The following NFIX variants were observed in gnomAD, a reference collection of about 807,000 sequenced individuals.
NFIX encodes the protein nuclear factor I X.
Under a neutral mutation model 53.3 loss-of-function variants are expected in NFIX, and 2 were observed. That is an observed-to-expected ratio of 0.04 (90% CI 0.02 to 0.12). The LOEUF is 0.12. Ranked by LOEUF, NFIX falls within the 10% of genes least tolerant of loss-of-function variation. NFIX has a pLI of 1.00. For synonymous variants in NFIX, 244 were observed against 289.0 expected, an observed-to-expected ratio of 0.84 and a Z score of 1.58; for missense variants, 310 against 674.5, an observed-to-expected ratio of 0.46 and a Z score of 5.99.
intron 2 of NFIX, chr19:13,070,994 A>C (rs1302644651): frequency 1.3e-5 from 2 of 152,286 alleles, no homozygotes; most frequent in Non-Finnish European, 2.9e-5. Context: ...GGTCTTTCGC[A>C]GTGGGTAGGG....
Position 13,081,663 on chromosome 19 carries a change from T to C in NFIX, c.1079-17T>C. On this transcript the variant is annotated splice_polypyrimidine_tract_variant and intron_variant, in intron 7 of 10. Coordinates refer to ENST00000592199, the MANE Select transcript of NFIX (RefSeq NM_001365902.3). This position sits in a 1 kb window ranked among gnomAD's most constrained non-coding sequence, Gnocchi z 4.7. ...CTTGGCCCTGACGCCCTTTTTTCCC[T>C]GCCCACGTGCATGCAGGGAGCCCCC... 1 of 1,609,374 alleles carries C rather than the reference T, an allele frequency of 6.2e-7. No homozygotes were observed. Among genetic ancestry groups the C allele is most frequent in the South Asian group, 1.1e-5 (1 of 90,936 alleles).
In NFIX at chr19:13,060,843, G is replaced by A. The variant is rs538601651; in HGVS notation, c.560-12204G>A. ...CACGCCCGCCCGGGAGGGTGTGCCCGCCCGGCTGCTGCCGCCACTGCAGAG... is the reference window on the plus strand; with the variant it reads ...CACGCCCGCCCGGGAGGGTGTGCCCACCCGGCTGCTGCCGCCACTGCAGAG... On this transcript the variant is annotated intron_variant, in intron 2 of 10. Transcript: ENST00000592199. This position sits in a 1 kb window ranked among gnomAD's most constrained non-coding sequence, Gnocchi z 4.3. Among the ~76,000 whole-genome samples the A allele has an allele frequency of 6.6e-6, 1 of 152,216 alleles. No individual in the cohort carries two copies. Among genetic ancestry groups the A allele is most frequent in the Non-Finnish European group, 1.5e-5 (1 of 67,988 alleles).
intron 2 of NFIX, among the ~76,000 whole-genome samples, chr19:13,042,729 C>T (rs2014722780): frequency 6.7e-6 from 1 of 150,324 alleles, no homozygotes; most frequent in Non-Finnish European, 1.5e-5. Context: ...AACCCCACCC[C>T]CACCCCCACT....
chr19:13,042,355 CTTTT>C (rs35785662), intron 2 of NFIX, among the ~76,000 whole-genome samples: 3 of 100,584 alleles, frequency 3.0e-5, no homozygotes, highest in South Asian at 3.5e-4. Context: ...CTTTTACATG[CTTTT>C]TTTTTTTTTT....
In NFIX at chr19:13,028,839, T is replaced by C. The variant is rs1003795097; in HGVS notation, c.559+3287T>C. On this transcript the variant is annotated intron_variant, in intron 2 of 10. Coordinates refer to ENST00000592199, the MANE Select transcript of NFIX (RefSeq NM_001365902.3). The surrounding 1 kb of genome is among the most constrained non-coding windows in gnomAD (Gnocchi z 4.2). The stretch of plus-strand genomic sequence containing the variant: ...GTGAGAAAGGATGGCCGAGCTGGCC[T>C]AGAACCGCTGCTAGACTATCTCCAA... 6.6e-6 allele frequency among the ~76,000 whole-genome samples: 1 copy of C among 152,082 alleles called. No individual in the cohort carries two copies. The highest frequency in any genetic ancestry group is 1.9e-4 in the East Asian group (1 of 5,188).
chr19:13,079,967 C>T (rs973686828), intron 7 of NFIX, among the ~76,000 whole-genome samples: 5 of 152,186 alleles, frequency 3.3e-5, no homozygotes, highest in African/African-American at 9.7e-5. Flanking sequence ...CACACCAGCT[C>T]GCACTCAGGA....
intron 1 of NFIX, among the ~76,000 whole-genome samples, chr19:13,003,074 G>T (rs761214543): frequency 6.6e-6 from 1 of 151,996 alleles, no homozygotes; most frequent in African/African-American, 2.4e-5. Flanking sequence ...TCCAAATATC[G>T]GCTTCGGTCG....
intron 2 of NFIX, among the ~76,000 whole-genome samples, chr19:13,062,322 A>G (rs1019478404): frequency 6.6e-6 from 1 of 152,192 alleles, no homozygotes; most frequent in African/African-American, 2.4e-5. Context: ...CAAGAAAGCT[A>G]TTCTTTCTTC....
rs776571781 is a variant in NFIX, at chr19:13,073,588, A to G, written c.697+92A>G. 1.4e-5 allele frequency: 16 copies of G among 1,167,202 alleles called. No homozygotes were observed. Among genetic ancestry groups the G allele is most frequent in the Non-Finnish European group, 1.9e-5 (15 of 777,674 alleles). The allele number at this position is 1,167,202 out of a possible 1,614,324, so 72.3% of individuals were successfully genotyped here. The stretch of plus-strand genomic sequence containing the variant: ...TGTCCTCCTAATGGGGTCTTAGGGC[A>G]GGTGGATGGGAACAGATGCTTTCTG... On this transcript the variant is annotated intron_variant, in intron 4 of 10. Transcript: ENST00000592199. This position sits in a 1 kb window ranked among gnomAD's most constrained non-coding sequence, Gnocchi z 4.5.
chr19:13,067,462 G>A lies in NFIX; in HGVS notation c.560-5585G>A, dbSNP rs982877792. Among the ~76,000 whole-genome samples, 27 of 130,380 alleles carry A rather than the reference G, an allele frequency of 2.1e-4. No homozygotes were observed. The highest frequency in any genetic ancestry group is 3.1e-4 in the Admixed American group (4 of 12,792). 85.5% of individuals were successfully genotyped at this position (130,380 alleles called of 152,430 possible). A position where few individuals can be genotyped will look rare whatever the true frequency, so the allele number is the denominator to read the frequency against. On this transcript the variant is annotated intron_variant, in intron 2 of 10. Transcript: ENST00000592199. The surrounding 1 kb of genome is among the most constrained non-coding windows in gnomAD (Gnocchi z 4.2). ...TAGTGGCACCTCCGTGTGTGTGCGC[G>A]CGTGTGTGTGTGTGTGTGTGCGTGT... is the stretch of plus-strand genomic sequence containing the variant.
At chr19:13,085,349 G>T (rs2017713755) in intron 8 of NFIX, among the ~76,000 whole-genome samples, 1 of 152,204 alleles carries the variant, frequency 6.6e-6, no homozygotes, top group Non-Finnish European at 1.5e-5. Flanking sequence ...GGGGAGACAG[G>T]CTCTGAAGCT....
Position 13,068,936 on chromosome 19 carries a change from TC to T in NFIX, c.560-4107del, listed in dbSNP as rs2016597946. Among the ~76,000 whole-genome samples, 1 of 152,114 alleles carries T rather than the reference TC, an allele frequency of 6.6e-6. No homozygotes were observed. Among genetic ancestry groups the T allele is most frequent in the African/African-American group, 2.4e-5 (1 of 41,396 alleles). On this transcript the variant is annotated intron_variant, in intron 2 of 10. Coordinates refer to ENST00000592199, the MANE Select transcript of NFIX (RefSeq NM_001365902.3). The surrounding 1 kb of genome is among the most constrained non-coding windows in gnomAD (Gnocchi z 4.2). Reference sequence around the variant, plus strand: ...GCTGTGGGCTCTGAGATACTCTCCCTCCCCTAGCCTGGCCCAGAAACCAGGG... The same window carrying T: ...GCTGTGGGCTCTGAGATACTCTCCCTCCCTAGCCTGGCCCAGAAACCAGGG...
rs1599813106 is a variant in NFIX at position 13,060,690 on chromosome 19, C to T, written c.560-12357C>T. ...GTTTTGCTCTGGGGCCTGAGGATTG[C>T]GGGGCCAGGGAAGCAACCAGGCCCA... On this transcript the variant is annotated intron_variant, in intron 2 of 10. Coordinates refer to ENST00000592199, the MANE Select transcript of NFIX (RefSeq NM_001365902.3). The surrounding 1 kb of genome is among the most constrained non-coding windows in gnomAD (Gnocchi z 4.3). Among the ~76,000 whole-genome samples the T allele has an allele frequency of 6.6e-6, 1 of 152,166 alleles. No individual in the cohort carries two copies. Among genetic ancestry groups the T allele is most frequent in the African/African-American group, 2.4e-5 (1 of 41,506 alleles).
chr19:13,091,993 G>A (rs2018171716), intron 10 of NFIX, among the ~76,000 whole-genome samples: 1 of 152,262 alleles, frequency 6.6e-6, no homozygotes, highest in Non-Finnish European at 1.5e-5. Context: ...GTAGGAGGAA[G>A]GAGTCCCAGC....
At chr19:13,075,009 G>A (rs2016996701) in intron 5 of NFIX, among the ~76,000 whole-genome samples, 2 of 141,584 alleles carry the variant, frequency 1.4e-5, no homozygotes, top group South Asian at 4.6e-4. Context: ...GGCGGAGCTT[G>A]CAGTGAGCTG....
rs116857070 is a variant in NFIX at position 12,997,722 on chromosome 19, G to A, written c.27+1858G>A. On this transcript the variant is annotated intron_variant, in intron 1 of 10. Coordinates refer to ENST00000592199, the MANE Select transcript of NFIX (RefSeq NM_001365902.3). ...CCAAGCACGCCAGACATCTGAGCCT[G>A]CTCCCCCATGGCTTGGGTGAGACAC... Among the ~76,000 whole-genome samples the A allele has an allele frequency of 7.2e-3, 1,097 of 152,370 alleles. 12 individuals carry two copies. The highest frequency in any genetic ancestry group is 0.018 in the South Asian group (85 of 4,834).
Position 13,012,191 on chromosome 19 carries a change from T to A in NFIX, c.28-12830T>A, listed in dbSNP as rs2012391261. 6.6e-6 allele frequency: 1 copy of A among 152,192 alleles called. No homozygotes were observed. Among genetic ancestry groups the A allele is most frequent in the Admixed American group, 6.5e-5 (1 of 15,282 alleles). 9.4% of individuals were successfully genotyped at this position (152,192 alleles called of 1,614,324 possible). A position where few individuals can be genotyped will look rare whatever the true frequency, so the allele number is the denominator to read the frequency against. ...GATGTCAGACGCGACCTGTGTGGCA[T>A]GTACCAGGCTGGCTCCGACGACGGA... On this transcript the variant is annotated intron_variant, in intron 1 of 10. Transcript: ENST00000592199. The surrounding 1 kb of genome is among the most constrained non-coding windows in gnomAD (Gnocchi z 5.0).
chr19:13,077,914 G>C (rs929311144), intron 6 of NFIX, among the ~76,000 whole-genome samples: 1 of 152,224 alleles, frequency 6.6e-6, no homozygotes, highest in African/African-American at 2.4e-5. Flanking sequence ...TCTGGCACCA[G>C]AAGCAGGGCA....
intron 2 of NFIX, among the ~76,000 whole-genome samples, chr19:13,034,104 C>T (rs189076813): frequency 6.6e-6 from 1 of 152,306 alleles, no homozygotes; most frequent in Admixed American, 6.5e-5. Flanking sequence ...CTGAGGGCAT[C>T]GCTGCTCCTT....
Sources: gnomAD v4.1 joint callset for allele counts (sites outside exome capture counted in the v4.1 genomes callset) on GRCh38, gnomAD v4.1.1 for gene constraint, Gnocchi (gnomAD v3.1) non-coding constraint, MANE v1.5 for transcripts, NCBI Gene and HGNC (gene_info 2026-07-23, HGNC 2026-07-21) for gene names.